Variants in MTG1 observed in about 807,000 individuals in gnomAD.
MTG1 encodes mitochondrial ribosome-associated GTPase 1.
MTG1 carries 30 observed loss-of-function variants against 39.5 expected under a neutral mutation model. That is an observed-to-expected ratio of 0.76 (90% CI 0.57 to 1.03). The LOEUF is 1.03. MTG1 is among the 50% of genes least tolerant of loss of function. The probability of loss-of-function intolerance (pLI) is 0.00; values close to 1 mark genes in which losing one functional copy is unlikely to be tolerated. For synonymous variants in MTG1, 217 were observed against 179.0 expected (o/e 1.21, Z -1.69); for missense variants, 513 against 447.4 (o/e 1.15, Z -1.32).
At chr10:133,399,139 G>T in intron 4 of MTG1, 31 bp from the exon 5 acceptor site, 1 of 1,614,054 alleles carries the variant, frequency 6.2e-7, no homozygotes, top group Non-Finnish European at 8.5e-7. Flanking sequence ...GTCCGACCTG[G>T]GGTGGCTCCA....
intron 9 of MTG1, among the ~76,000 whole-genome samples, chr10:133,404,852 T>C (rs1299379735): frequency 6.6e-6 from 1 of 152,248 alleles, no homozygotes; most frequent in Non-Finnish European, 1.5e-5. Flanking sequence ...GTTGTCCATA[T>C]ACGTGGGTCT....
chr10:133,407,245 T>C (rs1849982263), intron 9 of MTG1, among the ~76,000 whole-genome samples: 1 of 152,208 alleles, frequency 6.6e-6, no homozygotes, highest in South Asian at 2.1e-4. Context: ...GCTTTGTTCT[T>C]TTTGCTTCAG....
intron 9 of MTG1, among the ~76,000 whole-genome samples, chr10:133,410,493 T>A (rs1850029870): frequency 6.6e-6 from 1 of 152,250 alleles, no homozygotes; most frequent in Non-Finnish European, 1.5e-5. Flanking sequence ...TTCCTTCGCA[T>A]GTGGTTAAGA....
chr10:133,402,336 G>A lies in MTG1; in HGVS notation c.670+91G>A, dbSNP rs1272361149. ...TGGCTTTGGCACAGGGCCCCTAGAC[G>A]GGAGTTGTTACTGCCTTTGACCTGG... On this transcript the variant is annotated intron_variant, in intron 8 of 10. Coordinates refer to ENST00000317502, the MANE Select transcript of MTG1 (RefSeq NM_138384.4). The surrounding 1 kb of genome is among the most constrained non-coding windows in gnomAD (Gnocchi z 4.7). The A allele has an allele frequency of 1.1e-5, 17 of 1,484,246 alleles. No individual in the cohort carries two copies. The highest frequency in any genetic ancestry group is 3.4e-5 in the South Asian group (3 of 88,370). The allele number at this position is 1,484,246 out of a possible 1,614,324, so 91.9% of individuals were successfully genotyped here. A position where few individuals can be genotyped will look rare whatever the true frequency, so the allele number is the denominator to read the frequency against.
intron 9 of MTG1, among the ~76,000 whole-genome samples, chr10:133,413,733 T>C (rs1306148320): frequency 2.0e-5 from 3 of 152,196 alleles, no homozygotes; most frequent in African/African-American, 7.2e-5. Flanking sequence ...GTTTTTCTTA[T>C]CCTGATTCTT....
chr10:133,405,963 C>G (rs1849964558), intron 9 of MTG1, among the ~76,000 whole-genome samples: 1 of 152,228 alleles, frequency 6.6e-6, no homozygotes, highest in African/African-American at 2.4e-5. Flanking sequence ...CAGTGTACGA[C>G]AGCTCCCCTT....
At chr10:133,410,497 G>C (rs2133507672) in intron 9 of MTG1, among the ~76,000 whole-genome samples, 1 of 152,242 alleles carries the variant, frequency 6.6e-6, no homozygotes, top group Non-Finnish European at 1.5e-5. Flanking sequence ...TTCGCATGTG[G>C]TTAAGAGATT....
At chr10:133,401,306 A>G (rs1243254470) in intron 6 of MTG1, 3 of 466,140 alleles carry the variant, frequency 6.4e-6, no homozygotes, top group African/African-American at 6.1e-5. Context: ...TTGTGACTGA[A>G]AGTGAAACAA....
chr10:133,402,283 G>A lies in MTG1; in HGVS notation c.670+38G>A, dbSNP rs375749375. The A allele has an allele frequency of 7.7e-3, 12,440 of 1,608,178 alleles. 71 individuals are homozygous for A. Among genetic ancestry groups the A allele is most frequent in the Non-Finnish European group, 9.5e-3 (11,148 of 1,176,624 alleles). ...TGGGGCTGGGGCTGGGGCTGGGACC[G>A]GGGCCCCTGCCACCCCACCTTTAGG... On this transcript the variant is annotated intron_variant, in intron 8 of 10. Transcript: ENST00000317502. This position sits in a 1 kb window ranked among gnomAD's most constrained non-coding sequence, Gnocchi z 4.7.
rs920544776 is a variant in MTG1 at position 133,394,849 on chromosome 10, G to A, written c.112+517G>A. ...CAAGAAGACCTCTGGGGCCAGCCCAGCCCGTCTAGGTGTTGTGATGGCCAC... is the reference window on the plus strand; with the variant it reads ...CAAGAAGACCTCTGGGGCCAGCCCAACCCGTCTAGGTGTTGTGATGGCCAC... On this transcript the variant is annotated intron_variant, in intron 1 of 10. Transcript: ENST00000317502. 2.2e-5 allele frequency: 14 copies of A among 639,874 alleles called. No homozygotes were observed. The African/African-American group carries it at 2.8e-4, about 13-fold the overall frequency. The allele number at this position is 639,874 out of a possible 1,614,324, so 39.6% of individuals were successfully genotyped here. A position where few individuals can be genotyped will look rare whatever the true frequency, so the allele number is the denominator to read the frequency against.
At chr10:133,397,725 G>T (rs1313422412) in intron 3 of MTG1, among the ~76,000 whole-genome samples, 2 of 150,950 alleles carry the variant, frequency 1.3e-5, no homozygotes, top group Non-Finnish European at 1.5e-5. Context: ...TGATCCGCCC[G>T]CCTCGGCCTC....
At chr10:133,400,191 C>CAA (rs925173690) in intron 6 of MTG1, among the ~76,000 whole-genome samples, 3 of 137,852 alleles carry the variant, frequency 2.2e-5, no homozygotes, top group African/African-American at 8.0e-5. Context: ...GACTCCGTCT[C>CAA]AAAAAAAAAA....
chr10:133,403,027 C>G (rs902526214), intron 9 of MTG1, among the ~76,000 whole-genome samples: 5 of 149,194 alleles, frequency 3.4e-5, no homozygotes, highest in Non-Finnish European at 7.4e-5. Flanking sequence ...AGGAAACGAG[C>G]GTTCCCGTCA....
chr10:133,403,411 C>T (rs1849916880), intron 9 of MTG1, among the ~76,000 whole-genome samples: 1 of 152,116 alleles, frequency 6.6e-6, no homozygotes, highest in South Asian at 2.1e-4. Flanking sequence ...TCCCGTCACC[C>T]CCAGTCCCTG....
rs1270839391 is a variant in MTG1, at chr10:133,399,893, C to T, written c.511+274C>T. The T allele has an allele frequency of 9.7e-6, 4 of 412,268 alleles. No individual in the cohort carries two copies. In the South Asian group the frequency reaches 1.2e-4, roughly 12 times the overall value. The allele number at this position is 412,268 out of a possible 1,614,324, so 25.5% of individuals were successfully genotyped here. A position where few individuals can be genotyped will look rare whatever the true frequency, so the allele number is the denominator to read the frequency against. ...GCTTTTCTAAACTTTGATATTTGTT[C>T]ATTTATTTAAATCCCTTTGGCCGGG... is the stretch of plus-strand genomic sequence containing the variant. On this transcript the variant is annotated intron_variant, in intron 6 of 10. Transcript: ENST00000317502.
intron 3 of MTG1, among the ~76,000 whole-genome samples, chr10:133,397,779 G>GTTT (rs35859911): frequency 7.2e-5 from 10 of 139,498 alleles, no homozygotes; most frequent in African/African-American, 1.4e-4. Flanking sequence ...CGTCCAGCCT[G>GTTT]TTTTTTTTTT....
At chr10:133,400,757 C>T (rs1417912220) in intron 6 of MTG1, among the ~76,000 whole-genome samples, 1 of 152,192 alleles carries the variant, frequency 6.6e-6, no homozygotes, top group Non-Finnish European at 1.5e-5. Flanking sequence ...CAAAGAGTCA[C>T]TCCCCCAGCC....
intron 9 of MTG1, among the ~76,000 whole-genome samples, chr10:133,414,026 G>A (rs965863958): frequency 1.1e-4 from 16 of 149,164 alleles, no homozygotes; most frequent in African/African-American, 2.3e-4. Context: ...ACAAGTGAAC[G>A]AAGGTCTCTG....
Position 133,402,609 on chromosome 10 carries a change from A to G in MTG1, c.671-83A>G, listed in dbSNP as rs897769204. The G allele has an allele frequency of 7.6e-5, 95 of 1,253,742 alleles. No homozygotes were observed. The highest frequency in any genetic ancestry group is 5.9e-4 in the African/African-American group (40 of 67,384). 77.7% of individuals were successfully genotyped at this position (1,253,742 alleles called of 1,614,324 possible). On this transcript the variant is annotated intron_variant, in intron 8 of 10. Transcript: ENST00000317502. The surrounding 1 kb of genome is among the most constrained non-coding windows in gnomAD (Gnocchi z 4.7). ...CCTCACGGCACGGTGTCTTTGGGCT[A>G]GGACTGGAAGGGATGTGTTTGAACT...
Sources: allele counts gnomAD v4.1 joint callset (sites outside exome capture counted in the v4.1 genomes callset), GRCh38; gene constraint gnomAD v4.1.1; non-coding constraint Gnocchi (gnomAD v3.1); transcripts MANE v1.5; gene names NCBI Gene and HGNC (gene_info 2026-07-23, HGNC 2026-07-21).